The following DAPK1 variants were observed in gnomAD, a reference collection of about 807,000 sequenced individuals.
DAPK1 encodes death-associated protein kinase 1.
A neutral mutation model predicts 144.9 loss-of-function variants in DAPK1; 56 were observed. That is an observed-to-expected ratio of 0.39 (90% CI 0.31 to 0.48). DAPK1 has a LOEUF of 0.48. Ranked by LOEUF, DAPK1 falls within the 20% of genes least tolerant of loss-of-function variation. DAPK1 has a pLI of 0.95. For missense variants in DAPK1, 1,454 were observed against 1,875.4 expected (o/e 0.78, Z 4.15); for synonymous variants, 690 against 749.0 (o/e 0.92, Z 1.29).
intron 2 of DAPK1, among the ~76,000 whole-genome samples, chr9:87,525,076 G>C (rs937149656): frequency 3.3e-5 from 5 of 152,182 alleles, no homozygotes; most frequent in Non-Finnish European, 5.9e-5. Flanking sequence ...AAACCGAACA[G>C]TGTGAACAGT....
intron 3 of DAPK1, chr9:87,633,471 C>T (rs1444648877): frequency 5.2e-6 from 4 of 773,652 alleles, no homozygotes; most frequent in African/African-American, 3.8e-5. Context: ...GACTTGGTTG[C>T]CTGGACAGCC....
Position 87,698,720 on chromosome 9 carries a change from G to A in DAPK1, c.2676G>A (p.Met892Ile). 1 of 1,599,502 alleles carries A rather than the reference G, an allele frequency of 6.3e-7. No homozygotes were observed. Among genetic ancestry groups the A allele is most frequent in the Non-Finnish European group, 8.6e-7 (1 of 1,166,634 alleles). Reference sequence around the variant, plus strand: ...TGGTGGCCACCCACGCTGACATCATGAATGTTCCTCGACCGGCTGGAGGCG... The same window carrying A: ...TGGTGGCCACCCACGCTGACATCATAAATGTTCCTCGACCGGCTGGAGGCG... ...VVLVATHADI[M>I]NVPRPAGGEF... The change falls in exon 23 of 26, where the codon ATG becomes ATA. Residue 892 changes from methionine (M) to isoleucine (I), a missense_variant. By Grantham distance (10) the Met-to-Ile change is conservative. Coordinates refer to ENST00000408954, the MANE Select transcript of DAPK1 (RefSeq NM_004938.4).
rs1020617907 is a variant in DAPK1 at position 87,609,809 on chromosome 9, T to C, written c.284+4634T>C. Among the ~76,000 whole-genome samples the C allele has an allele frequency of 1.4e-4, 21 of 152,138 alleles. 1 individual carries two copies. Among genetic ancestry groups the C allele is most frequent in the African/African-American group, 5.1e-4 (21 of 41,412 alleles). On this transcript the variant is annotated intron_variant, in intron 3 of 25. Transcript: ENST00000408954. ...TTCAGTAGTTTCCGTGTGGATATAGTTTTTGGATTTACTGCTTTGACATGA... is the reference window on the plus strand; with the variant it reads ...TTCAGTAGTTTCCGTGTGGATATAGCTTTTGGATTTACTGCTTTGACATGA...
At chr9:87,574,042 G>A (rs1309699290) in intron 2 of DAPK1, among the ~76,000 whole-genome samples, 1 of 152,164 alleles carries the variant, frequency 6.6e-6, no homozygotes, top group Non-Finnish European at 1.5e-5. Context: ...CTAAGCATGA[G>A]ACTTTGACTT....
At chr9:87,519,333 G>T (rs115829982) in intron 2 of DAPK1, among the ~76,000 whole-genome samples, 1 of 152,222 alleles carries the variant, frequency 6.6e-6, no homozygotes, top group Non-Finnish European at 1.5e-5. Flanking sequence ...GAATAGACAG[G>T]AGTGGTATTT....
chr9:87,508,741 T>C (rs1469587456), intron 2 of DAPK1, among the ~76,000 whole-genome samples: 1 of 139,158 alleles, frequency 7.2e-6, no homozygotes, highest in Non-Finnish European at 1.5e-5. Context: ...AAGTCATCAA[T>C]GCCATTCTTT....
At position 87,706,248 on chromosome 9, in the gene DAPK1, C is replaced by T; in HGVS notation, c.3177C>T (p.His1059=). ...LSVETPRALH[H]YRGRYTVEDI... ...TGGAGACCCCACGGGCGCTGCACCA[C>T]TACCGGGGCCGCTACACCGTGGAGG... Residue 1059 remains histidine, a synonymous_variant, in exon 26 of 26, where the codon CAC becomes CAT. Transcript: ENST00000408954. The surrounding 1 kb of genome is among the most constrained non-coding windows in gnomAD (Gnocchi z 9.0). 6.2e-7 allele frequency: 1 copy of T among 1,613,856 alleles called. No individual in the cohort carries two copies. The highest frequency in any genetic ancestry group is 1.1e-5 in the South Asian group (1 of 91,054).
chr9:87,669,415 C>A (rs1831176368), intron 19 of DAPK1, among the ~76,000 whole-genome samples: 1 of 151,778 alleles, frequency 6.6e-6, no homozygotes, highest in Non-Finnish European at 1.5e-5. Flanking sequence ...ATGTTAAAAT[C>A]CATAGAAAGA....
At chr9:87,560,034 T>A (rs1826853481) in intron 2 of DAPK1, among the ~76,000 whole-genome samples, 1 of 151,050 alleles carries the variant, frequency 6.6e-6, no homozygotes. Flanking sequence ...AGACGGAGTC[T>A]TGCTCTGTCG....
intron 17 of DAPK1, among the ~76,000 whole-genome samples, chr9:87,653,750 G>A (rs538802482): frequency 2.0e-5 from 3 of 151,874 alleles, no homozygotes; most frequent in Admixed American, 6.6e-5. Context: ...CTGGAGTGCA[G>A]TGGCCCAATC....
chr9:87,700,130 C>A lies in DAPK1; in HGVS notation c.2764C>A (p.Leu922Ile). ...CTCTTCCCTTAGGTTTGGAAATGAT[C>A]TTCACATTTCAAATAAGCTGTTTGT... is the stretch of plus-strand genomic sequence containing the variant. Reference protein sequence around the residue: ...KEIRNRFGNDLHISNKLFVLD... With the variant: ...KEIRNRFGNDIHISNKLFVLD... The change falls in exon 24 of 26, where the codon CTT becomes ATT. Residue 922 changes from leucine (L) to isoleucine (I), a missense_variant. Around this residue, in one of 2 missense-constraint regions of DAPK1, gnomAD observed 1,025 missense variants for 1,237.9 expected, o/e 0.83. Coordinates refer to ENST00000408954, the MANE Select transcript of DAPK1 (RefSeq NM_004938.4). The A allele has an allele frequency of 6.2e-7, 1 of 1,610,132 alleles. No individual in the cohort carries two copies. Among genetic ancestry groups the A allele is most frequent in the Non-Finnish European group, 8.5e-7 (1 of 1,176,344 alleles).
chr9:87,594,423 C>G (rs1188070942), intron 2 of DAPK1, among the ~76,000 whole-genome samples: 1 of 152,198 alleles, frequency 6.6e-6, no homozygotes, highest in South Asian at 2.1e-4. Flanking sequence ...ACTTGCAAGT[C>G]TGTTGCACTG....
intron 2 of DAPK1, among the ~76,000 whole-genome samples, chr9:87,545,350 G>A (rs1005933534): frequency 3.9e-5 from 6 of 152,106 alleles, no homozygotes; most frequent in African/African-American, 9.7e-5. Context: ...TGAAGAGATC[G>A]TAATGGCTGC....
chr9:87,528,555 T>C (rs1825593999), intron 2 of DAPK1, among the ~76,000 whole-genome samples: 1 of 152,076 alleles, frequency 6.6e-6, no homozygotes, highest in African/African-American at 2.4e-5. Flanking sequence ...CCTGGAATGC[T>C]CTTGCTCCAG....
chr9:87,582,456 G>A (rs1212629336), intron 2 of DAPK1, among the ~76,000 whole-genome samples: 1 of 151,930 alleles, frequency 6.6e-6, no homozygotes, highest in Non-Finnish European at 1.5e-5. Context: ...CAGTTGGCAA[G>A]TTTGTTGAGA....
At position 87,699,236 on chromosome 9, in the gene DAPK1, G is replaced by A. The variant is rs559044632; in HGVS notation, c.2750+442G>A. 3.3e-5 allele frequency among the ~76,000 whole-genome samples: 5 copies of A among 152,298 alleles called. No homozygotes were observed. In the East Asian group the frequency reaches 9.6e-4, roughly 29 times the overall value. On this transcript the variant is annotated intron_variant, in intron 23 of 25. Coordinates refer to ENST00000408954, the MANE Select transcript of DAPK1 (RefSeq NM_004938.4). The stretch of plus-strand genomic sequence containing the variant: ...CAAATACAAATGAAGAGCACGTGAT[G>A]AAAGCAACCCCCTTCTTTCTACCTC...
chr9:87,633,210 A>C, intron 3 of DAPK1: 1 of 982,956 alleles, frequency 1.0e-6, no homozygotes, highest in Non-Finnish European at 1.2e-6. Flanking sequence ...GATGAAGGAG[A>C]TTGAGTACAT....
chr9:87,597,103 A>G (rs1234616281), intron 2 of DAPK1, among the ~76,000 whole-genome samples: 1 of 152,198 alleles, frequency 6.6e-6, no homozygotes, highest in Non-Finnish European at 1.5e-5. Flanking sequence ...TTGGCTTCCA[A>G]GAGGGAGCTT....
intron 2 of DAPK1, among the ~76,000 whole-genome samples, chr9:87,516,145 C>T (rs36229270): frequency 2.3e-4 from 35 of 152,262 alleles, no homozygotes; most frequent in East Asian, 5.8e-4. Flanking sequence ...CTGTACTTGC[C>T]GCCCCCCAGC....
Sources: allele counts gnomAD v4.1 joint callset (sites outside exome capture counted in the v4.1 genomes callset), GRCh38; gene constraint gnomAD v4.1.1; regional missense constraint gnomAD v4.1.1; non-coding constraint Gnocchi (gnomAD v3.1); transcripts MANE v1.5; gene names NCBI Gene and HGNC (gene_info 2026-07-23, HGNC 2026-07-21).